TBL2: variants seen among roughly 807,000 people sequenced by gnomAD.
TBL2 encodes the protein transducin beta-like protein 2.
Under a neutral mutation model 41.8 loss-of-function variants are expected in TBL2, and 33 were observed. That is an observed-to-expected ratio of 0.79 (90% CI 0.60 to 1.06). TBL2 has a LOEUF of 1.06. Ranked by LOEUF, TBL2 falls within the 50% of genes least tolerant of loss-of-function variation. The probability of loss-of-function intolerance (pLI) is 0.00; values close to 1 mark genes in which losing one functional copy is unlikely to be tolerated. For synonymous variants in TBL2, 239 were observed against 241.7 expected (o/e 0.99, Z 0.10); for missense variants, 522 against 603.8 (o/e 0.86, Z 1.42).
In TBL2 at chr7:73,569,635, C is replaced by T. The variant is rs1792800854; in HGVS notation, c.*872G>A. ...GGGTGTATCTCTCTCTCCCACCAGC[C>T]ATCTTTGATGGCAGAAACCATGTCT... On this transcript the variant is annotated 3_prime_UTR_variant, in exon 7 of 7. Transcript: ENST00000305632. The T allele has an allele frequency of 6.6e-6, 1 of 152,176 alleles. No individual in the cohort carries two copies. The highest frequency in any genetic ancestry group is 2.4e-5 in the African/African-American group (1 of 41,442). 9.4% of individuals were successfully genotyped at this position (152,176 alleles called of 1,614,324 possible).
rs934197524 is a variant in TBL2 at position 73,568,539 on chromosome 7, A to G, written c.*1968T>C. ...CACCCAGGTAACTGACCCTTCACAC[A>G]TTTACGGTGCCCATCTGACATTCAT... On this transcript the variant is annotated 3_prime_UTR_variant, in exon 7 of 7. Coordinates refer to ENST00000305632, the MANE Select transcript of TBL2 (RefSeq NM_012453.4). 6.6e-6 allele frequency among the ~76,000 whole-genome samples: 1 copy of G among 152,032 alleles called. No homozygotes were observed. Among genetic ancestry groups the G allele is most frequent in the African/African-American group, 2.4e-5 (1 of 41,388 alleles).
chr7:73,570,206 T>TTC lies in TBL2; in HGVS notation c.*299_*300dup, dbSNP rs144053241. ...TGCTGCCACAAGGCCAAAAATCACA[T>TTC]TCTCTCTCTCTCTCCTCTCCTCTCT... is the stretch of plus-strand genomic sequence containing the variant. On this transcript the variant is annotated 3_prime_UTR_variant, in exon 7 of 7. Coordinates refer to ENST00000305632, the MANE Select transcript of TBL2 (RefSeq NM_012453.4). The TTC allele has an allele frequency of 3.3e-5, 10 of 303,882 alleles. No homozygotes were observed. The highest frequency in any genetic ancestry group is 5.4e-5 in the Non-Finnish European group (9 of 166,068). 18.8% of individuals were successfully genotyped at this position (303,882 alleles called of 1,614,324 possible).
chr7:73,574,095 C>A lies in TBL2; in HGVS notation c.289G>T (p.Asp97Tyr). 1 of 1,614,128 alleles carries A rather than the reference C, an allele frequency of 6.2e-7. No homozygotes were observed. Among genetic ancestry groups the A allele is most frequent in the Non-Finnish European group, 8.5e-7 (1 of 1,180,026 alleles). Residue 97 changes from aspartate to tyrosine, a missense_variant, in exon 3 of 7, where the codon GAC (aspartate) becomes TAC (tyrosine). Asp to Tyr is a radical substitution (Grantham distance 160). Coordinates refer to ENST00000305632, the MANE Select transcript of TBL2 (RefSeq NM_012453.4). ...KSHSGNISCM[D>Y]FSSNGKYLAT... The stretch of plus-strand genomic sequence containing the variant: ...AGGTATTTGCCATTGCTGCTAAAGT[C>A]CATGCAAGATATGTTCCCGCTGTGG...
rs369089845 is a variant in TBL2 at position 73,578,544 on chromosome 7, C to A, written c.6G>T (p.Glu2Asp). ...CCATGAGCTCCGACATCTGCGAGAG[C>A]TCCATGTTGGTGGAACCACTGCCAC... MELSQMSELMGL... is the reference protein window; with the variant it reads MDLSQMSELMGL... The change falls in exon 1 of 7, where the codon GAG becomes GAT. Residue 2 changes from glutamate to aspartate, a missense_variant. Coordinates refer to ENST00000305632, the MANE Select transcript of TBL2 (RefSeq NM_012453.4). The A allele has an allele frequency of 7.5e-6, 12 of 1,591,580 alleles. No individual in the cohort carries two copies. The highest frequency in any genetic ancestry group is 3.4e-5 in the Admixed American group (2 of 58,472).
In TBL2 at chr7:73,571,499, G is replaced by C; in HGVS notation, c.726-158C>G. 3 of 1,000,962 alleles carry C rather than the reference G, an allele frequency of 3.0e-6. No homozygotes were observed. The South Asian group carries it at 4.9e-5, about 17-fold the overall frequency. The allele number at this position is 1,000,962 out of a possible 1,614,324, so 62.0% of individuals were successfully genotyped here. A position where few individuals can be genotyped will look rare whatever the true frequency, so the allele number is the denominator to read the frequency against. On this transcript the variant is annotated intron_variant, in intron 5 of 6. Coordinates refer to ENST00000305632, the MANE Select transcript of TBL2 (RefSeq NM_012453.4). ...TGGCCGGGCGCGGTGGCTCACGCCT[G>C]TCATCCCAGCACTTTGGGAGGCCGA...
intron 1 of TBL2, among the ~76,000 whole-genome samples, chr7:73,575,045 G>A (rs1483882101): frequency 6.6e-6 from 1 of 152,130 alleles, no homozygotes; most frequent in Non-Finnish European, 1.5e-5. Context: ...TATGTAGGGA[G>A]TAATGTGCAC....
chr7:73,575,493 C>T (rs1157478001), intron 1 of TBL2, among the ~76,000 whole-genome samples: 1 of 152,178 alleles, frequency 6.6e-6, no homozygotes, highest in African/African-American at 2.4e-5. Flanking sequence ...TGGGGTTTCA[C>T]CACATTAGCC....
chr7:73,569,779 A>C lies in TBL2; in HGVS notation c.*728T>G, dbSNP rs782634148. The C allele has an allele frequency of 6.6e-6, 1 of 152,220 alleles. No individual in the cohort carries two copies. The highest frequency in any genetic ancestry group is 1.5e-5 in the Non-Finnish European group (1 of 68,042). 9.4% of individuals were successfully genotyped at this position (152,220 alleles called of 1,614,324 possible). A position where few individuals can be genotyped will look rare whatever the true frequency, so the allele number is the denominator to read the frequency against. On this transcript the variant is annotated 3_prime_UTR_variant, in exon 7 of 7. Transcript: ENST00000305632. The stretch of plus-strand genomic sequence containing the variant: ...AAACAAGATATCATCTCCCGAAGAG[A>C]GAAGTCCCAACCATATAAAATGTAT...
chr7:73,574,357 C>CA (rs1289733541), intron 2 of TBL2, 26 bp downstream of exon 2: 1 of 1,612,106 alleles, frequency 6.2e-7, no homozygotes, highest in African/African-American at 1.3e-5. Flanking sequence ...TCTCAGGGTG[C>CA]ACGCTGTGCC....
In TBL2 at chr7:73,578,405, C is replaced by T. The variant is rs1554589463; in HGVS notation, c.130+15G>A. The T allele has an allele frequency of 6.6e-7, 1 of 1,524,508 alleles. No individual in the cohort carries two copies. The allele number at this position is 1,524,508 out of a possible 1,614,324, so 94.4% of individuals were successfully genotyped here. A position where few individuals can be genotyped will look rare whatever the true frequency, so the allele number is the denominator to read the frequency against. On this transcript the variant is annotated intron_variant, in intron 1 of 6. Transcript: ENST00000305632. ...GACACCGCGGGCCGCCCCCACCCGA[C>T]CCGGCCCCACTTACAGGCGGGCCGG... is the stretch of plus-strand genomic sequence containing the variant.
In TBL2 at chr7:73,572,885, G is replaced by C. The variant is rs1451193951; in HGVS notation, c.684C>G (p.Asn228Lys). Residue 228 changes from asparagine to lysine, a missense_variant, in exon 5 of 7, where the codon AAC becomes AAG. Physicochemically the swap from Asn to Lys is moderately conservative, Grantham distance 94 (BLOSUM62 0). Coordinates refer to ENST00000305632, the MANE Select transcript of TBL2 (RefSeq NM_012453.4). Reference protein sequence around the residue: ...KGQVLSTINTNQMNNTHAAVS... With the variant: ...KGQVLSTINTKQMNNTHAAVS... ...CAGCAGCGTGTGTGTTGTTCATCTGGTTGGTGTTGATGGTAGACAGCACTT... is the reference window on the plus strand; with the variant it reads ...CAGCAGCGTGTGTGTTGTTCATCTGCTTGGTGTTGATGGTAGACAGCACTT... 1.7e-5 allele frequency: 27 copies of C among 1,614,062 alleles called. No individual in the cohort carries two copies. Among genetic ancestry groups the C allele is most frequent in the Non-Finnish European group, 2.2e-5 (26 of 1,180,040 alleles).
At position 73,570,981 on chromosome 7, in the gene TBL2, C is replaced by A; in HGVS notation, c.879-9G>T. On this transcript the variant is annotated splice_polypyrimidine_tract_variant and intron_variant, in intron 6 of 6. Transcript: ENST00000305632. ...TGGAGACAGAAGCCATCCTGCAACA[C>A]AGAAAATCACAGCTCAAGCCCCAAC... 1 of 1,588,214 alleles carries A rather than the reference C, an allele frequency of 6.3e-7. No individual in the cohort carries two copies. Among genetic ancestry groups the A allele is most frequent in the Non-Finnish European group, 8.6e-7 (1 of 1,165,912 alleles).
intron 1 of TBL2, among the ~76,000 whole-genome samples, chr7:73,575,107 T>A (rs1554588683): frequency 1.3e-5 from 2 of 150,462 alleles, no homozygotes; most frequent in African/African-American, 5.0e-5. Flanking sequence ...GCTCTGGACC[T>A]TGGTTTTTTT....
chr7:73,571,118 C>T lies in TBL2; in HGVS notation c.878+71G>A, dbSNP rs1178844628. 5.6e-6 allele frequency: 9 copies of T among 1,604,464 alleles called. No homozygotes were observed. In the African/African-American group the frequency reaches 8.0e-5, roughly 14 times the overall value. On this transcript the variant is annotated intron_variant, in intron 6 of 6. Transcript: ENST00000305632. The stretch of plus-strand genomic sequence containing the variant: ...ACCCTCTTCAGAGCCATGGCACAAA[C>T]AGACAGAAGGACCCTGGTTGTCAAG...
intron 4 of TBL2, 160 bp downstream of exon 4, chr7:73,573,160 G>A (rs1793074911): frequency 3.7e-6 from 5 of 1,354,984 alleles, no homozygotes; most frequent in Non-Finnish European, 5.1e-6. Context: ...GTGTGGCCCA[G>A]GGACTCCAGG....
At chr7:73,573,830 G>A in intron 3 of TBL2, 108 bp downstream of exon 3, 3 of 1,385,778 alleles carry the variant, frequency 2.2e-6, no homozygotes, top group Non-Finnish European at 2.9e-6. Flanking sequence ...GCACCCCAAG[G>A]GAGGCCCTGG....
In TBL2 at chr7:73,574,380, T is replaced by C; in HGVS notation, c.261+3A>G. 6.2e-7 allele frequency: 1 copy of C among 1,613,114 alleles called. No individual in the cohort carries two copies. Among genetic ancestry groups the C allele is most frequent in the African/African-American group, 1.3e-5 (1 of 75,026 alleles). On this transcript the variant is annotated splice_donor_region_variant and intron_variant, in intron 2 of 6. Coordinates refer to ENST00000305632, the MANE Select transcript of TBL2 (RefSeq NM_012453.4). The stretch of plus-strand genomic sequence containing the variant: ...TGCACGCTGTGCCAGGTACCCCACG[T>C]ACCTTCAGAGCTGCAGCCAGGAGGC...
intron 1 of TBL2, among the ~76,000 whole-genome samples, chr7:73,577,561 C>A (rs1269077381): frequency 6.6e-6 from 1 of 152,130 alleles, no homozygotes; most frequent in Non-Finnish European, 1.5e-5. Context: ...GCAAGAAGAG[C>A]GAAACTCTGT....
intron 1 of TBL2, among the ~76,000 whole-genome samples, chr7:73,576,118 A>G (rs1793295647): frequency 6.6e-6 from 1 of 150,504 alleles, no homozygotes; most frequent in Admixed American, 6.6e-5. Context: ...AGTACCGAAC[A>G]CAAGCATTAA....
Sources: allele counts gnomAD v4.1 joint callset (sites outside exome capture counted in the v4.1 genomes callset), GRCh38; gene constraint gnomAD v4.1.1; transcripts MANE v1.5; gene names NCBI Gene and HGNC (gene_info 2026-07-23, HGNC 2026-07-21).